The following ACCS variants were observed in gnomAD, a reference collection of about 807,000 sequenced individuals.
ACCS encodes 1-aminocyclopropane-1-carboxylate synthase homolog (inactive).
ACCS carries 42 observed loss-of-function variants against 59.8 expected under a neutral mutation model. The ratio of observed to expected loss-of-function variants is 0.70; its 90% CI spans 0.55 to 0.91. The LOEUF is 0.91. Among genes scored for constraint, ACCS ranks in the 40% least tolerant of loss-of-function variants. The pLI is 0.00. For synonymous variants in ACCS, 230 were observed against 240.3 expected (o/e 0.96, Z 0.40); for missense variants, 602 against 630.4 (o/e 0.95, Z 0.48).
In ACCS at chr11:44,075,528, G is replaced by A. The variant is rs1267152623; in HGVS notation, c.492G>A (p.Val164=). 1 of 1,614,062 alleles carries A rather than the reference G, an allele frequency of 6.2e-7. No individual in the cohort carries two copies. The highest frequency in any genetic ancestry group is 1.3e-5 in the African/African-American group (1 of 74,944). Residue 164 remains valine (V), a splice_region_variant and synonymous_variant, in exon 6 of 15, where the codon GTG becomes GTA. Transcript: ENST00000263776. ...KSPVPLRPEN[V]VVLNGGASLF... Reference sequence around the variant, plus strand: ...TCCCTTGGATATGTCGCCCTTAGGTGGTTGTCCTGAATGGTGGTGCCTCGC... The same window carrying A: ...TCCCTTGGATATGTCGCCCTTAGGTAGTTGTCCTGAATGGTGGTGCCTCGC...
intron 6 of ACCS, 128 bp downstream of exon 6, chr11:44,075,720 G>A (rs1212687134): frequency 5.3e-6 from 6 of 1,137,592 alleles, no homozygotes; most frequent in Non-Finnish European, 7.3e-6. Flanking sequence ...ACTGCAGGGG[G>A]CTTGAATAAG....
chr11:44,067,262 C>T (rs77761746), intron 1 of ACCS: 2,961 of 201,758 alleles, frequency 0.015, 91 homozygotes, highest in African/African-American at 0.066. Context: ...TCTGCTTTAA[C>T]TCAGGAAATT....
intron 8 of ACCS, 184 bp downstream of exon 8, chr11:44,078,106 T>TC (rs1314488347): frequency 4.1e-6 from 3 of 739,474 alleles, no homozygotes. Context: ...GGGAGGGTCT[T>TC]CCCTTTCAAA....
intron 3 of ACCS, chr11:44,072,241 C>G (rs947396645): frequency 3.3e-5 from 5 of 151,768 alleles, no homozygotes; most frequent in Admixed American, 6.6e-5. Flanking sequence ...CACTACAACC[C>G]CCTCCTCCCG....
At chr11:44,083,669 A>G (rs1953743207) in intron 14 of ACCS, 26 bp from the exon 15 acceptor site, 2 of 1,614,066 alleles carry the variant, frequency 1.2e-6, no homozygotes, top group East Asian at 2.2e-5. Flanking sequence ...ATCAGTGCCA[A>G]CTGGCCCCTC....
Position 44,067,865 on chromosome 11 carries a change from G to C in ACCS, c.238G>C (p.Gly80Arg). Reference sequence around the variant, plus strand: ...ATGGTTCTGGGATTCAGCTGAGGAGGGCTACAGGACCTACCACATGGATGA... The same window carrying C: ...ATGGTTCTGGGATTCAGCTGAGGAGCGCTACAGGACCTACCACATGGATGA... Reference protein sequence around the residue: ...IKWFWDSAEEGYRTYHMDEYD... With the variant: ...IKWFWDSAEERYRTYHMDEYD... The change falls in exon 2 of 15, where the codon GGC becomes CGC. Residue 80 changes from glycine (G) to arginine (R), a missense_variant. Gly to Arg is a moderately radical substitution (Grantham distance 125). Transcript: ENST00000263776. The C allele has an allele frequency of 6.2e-7, 1 of 1,613,692 alleles. No individual in the cohort carries two copies. Among genetic ancestry groups the C allele is most frequent in the African/African-American group, 1.3e-5 (1 of 75,018 alleles).
intron 6 of ACCS, chr11:44,075,912 CT>C: frequency 3.9e-6 from 1 of 257,650 alleles, no homozygotes; most frequent in Non-Finnish European, 7.4e-6. Context: ...GTGCCTGTCT[CT>C]TTTTTATCAG....
chr11:44,081,323 G>A lies in ACCS; in HGVS notation c.1111+3G>A, dbSNP rs574940985. ...GGCACAGCTGCTCCGGGACCGTGGT[G>A]ACTGCCTGGGCCTGGTGACCTGAAA... On this transcript the variant is annotated splice_donor_region_variant and intron_variant, in intron 12 of 14. Transcript: ENST00000263776. The A allele has an allele frequency of 3.7e-6, 6 of 1,613,494 alleles. No individual in the cohort carries two copies. Among genetic ancestry groups the A allele is most frequent in the Non-Finnish European group, 5.1e-6 (6 of 1,179,596 alleles).
At chr11:44,073,195 A>T (rs1953144113) in intron 3 of ACCS, 3 of 537,322 alleles carry the variant, frequency 5.6e-6, no homozygotes, top group Non-Finnish European at 1.0e-5. Flanking sequence ...AGAATGCCAG[A>T]CTAGGAGTCA....
intron 7 of ACCS, 34 bp downstream of exon 7, chr11:44,077,410 C>A (rs776398054): frequency 6.1e-5 from 99 of 1,612,132 alleles, no homozygotes; most frequent in Non-Finnish European, 7.6e-5. Context: ...GGAACCTGGG[C>A]CTGCCTGTGG....
chr11:44,077,297 C>A lies in ACCS; in HGVS notation c.575C>A (p.Thr192Asn), dbSNP rs769199350. 9.9e-6 allele frequency: 16 copies of A among 1,614,132 alleles called. No individual in the cohort carries two copies. In the South Asian group the frequency reaches 1.2e-4, roughly 12 times the overall value. The change falls in exon 7 of 15, where the codon ACC becomes AAC. Residue 192 changes from threonine to asparagine, a missense_variant. Thr to Asn is a moderately conservative substitution (Grantham distance 65). Coordinates refer to ENST00000263776, the MANE Select transcript of ACCS (RefSeq NM_032592.4). ...CEAGEAFLIP[T>N]PYYGAITQHV... Reference sequence around the variant, plus strand: ...CCCCCAGAGGCTTTCCTGATCCCCACCCCTTACTATGGCGCTATCACACAG... The same window carrying A: ...CCCCCAGAGGCTTTCCTGATCCCCAACCCTTACTATGGCGCTATCACACAG...
chr11:44,073,499 A>C lies in ACCS; in HGVS notation c.401A>C (p.Asp134Ala). Reference protein sequence around the residue: ...RVEPSLLQYADWRGHLFLREE... With the variant: ...RVEPSLLQYAAWRGHLFLREE... ...GAGCCATCCCTGCTGCAGTATGCTG[A>C]CTGGAGGGGACATCTGTTGTAAGTA... Residue 134 changes from aspartate (D) to alanine (A), a missense_variant, in exon 4 of 15, where the codon GAC becomes GCC. Transcript: ENST00000263776. The C allele has an allele frequency of 6.2e-7, 1 of 1,608,690 alleles. No homozygotes were observed. Among genetic ancestry groups the C allele is most frequent in the Non-Finnish European group, 8.5e-7 (1 of 1,177,624 alleles).
At position 44,077,841 on chromosome 11, in the gene ACCS, C is replaced by G. The variant is rs1953451221; in HGVS notation, c.655-4C>G. ...GCTGGTGGCTCTGATGGGTCTTTTT[C>G]CAGGTCACTGGGCTAGACACACGCC... On this transcript the variant is annotated splice_polypyrimidine_tract_variant and splice_region_variant and intron_variant, in intron 7 of 14. Coordinates refer to ENST00000263776, the MANE Select transcript of ACCS (RefSeq NM_032592.4). 6.2e-7 allele frequency: 1 copy of G among 1,612,550 alleles called. No homozygotes were observed. The highest frequency in any genetic ancestry group is 8.5e-7 in the Non-Finnish European group (1 of 1,179,426).
At position 44,083,869 on chromosome 11, in the gene ACCS, C is replaced by CTGCAAA; in HGVS notation, c.*79_*80insCAAATG. 4 of 1,540,670 alleles carry CTGCAAA rather than the reference C, an allele frequency of 2.6e-6. No individual in the cohort carries two copies. Among genetic ancestry groups the CTGCAAA allele is most frequent in the Non-Finnish European group, 3.5e-6 (4 of 1,141,752 alleles). ...GCGTTCTGGGGCTGCAGAAGACTGACTGTGGATGTGCCATTTGCCAGGAAG... is the reference window on the plus strand; with the variant it reads ...GCGTTCTGGGGCTGCAGAAGACTGACTGCAAATGTGGATGTGCCATTTGCCAGGAAG... On this transcript the variant is annotated 3_prime_UTR_variant, in exon 15 of 15. Transcript: ENST00000263776.
chr11:44,073,895 G>C lies in ACCS; in HGVS notation c.419+378G>C, dbSNP rs546797571. On this transcript the variant is annotated intron_variant, in intron 4 of 14. Transcript: ENST00000263776. Reference sequence around the variant, plus strand: ...TAGCTTTAGAGAAGCCAGAATTGCTGTTCGGGGAGCTGGCTGGGGCCTTTT... The same window carrying C: ...TAGCTTTAGAGAAGCCAGAATTGCTCTTCGGGGAGCTGGCTGGGGCCTTTT... Among the ~76,000 whole-genome samples, 99 of 152,340 alleles carry C rather than the reference G, an allele frequency of 6.5e-4. 1 individual carries two copies. The highest frequency in any genetic ancestry group is 1.9e-3 in the African/African-American group (78 of 41,572).
intron 10 of ACCS, among the ~76,000 whole-genome samples, chr11:44,080,154 G>A (rs1224454153): frequency 6.6e-6 from 1 of 152,250 alleles, no homozygotes; most frequent in Non-Finnish European, 1.5e-5. Flanking sequence ...GGAGGCCAAG[G>A]TGGGAGGATT....
rs201940500 is a variant in ACCS at position 44,077,260 on chromosome 11, C to T, written c.557-19C>T. ...TTCTGGCCAGAAAGTGACAGGCCCTCGCCCACTCCTGCCCCCAGAGGCTTT... is the reference window on the plus strand; with the variant it reads ...TTCTGGCCAGAAAGTGACAGGCCCTTGCCCACTCCTGCCCCCAGAGGCTTT... On this transcript the variant is annotated intron_variant, in intron 6 of 14. Transcript: ENST00000263776. The T allele has an allele frequency of 6.5e-5, 105 of 1,609,862 alleles. No homozygotes were observed. In the Admixed American group the frequency reaches 6.7e-4, roughly 10 times the overall value.
chr11:44,071,189 G>A, intron 2 of ACCS, 67 bp from the exon 3 acceptor site: 2 of 1,559,728 alleles, frequency 1.3e-6, no homozygotes, highest in Admixed American at 3.3e-5. Context: ...GCCTCCATGG[G>A]CTCCTGGGGC....
rs748128329 is a variant in ACCS at position 44,083,478 on chromosome 11, G to A, written c.1309G>A (p.Asp437Asn). 6.2e-7 allele frequency: 1 copy of A among 1,614,194 alleles called. No homozygotes were observed. The highest frequency in any genetic ancestry group is 8.5e-7 in the Non-Finnish European group (1 of 1,180,020). Reference protein sequence around the residue: ...EEMLLWRRFLDNKVLLSFGKA... With the variant: ...EEMLLWRRFLNNKVLLSFGKA... ...AATGCTGCTCTGGCGCCGCTTTTTG[G>A]ACAACAAGGTGCTGCTGTCCTTTGG... Residue 437 changes from aspartate (D) to asparagine (N), a missense_variant, in exon 14 of 15, where the codon GAC becomes AAC. By Grantham distance (23) the Asp-to-Asn change is conservative. Coordinates refer to ENST00000263776, the MANE Select transcript of ACCS (RefSeq NM_032592.4).
Sources: allele counts gnomAD v4.1 joint callset (sites outside exome capture counted in the v4.1 genomes callset), GRCh38; gene constraint gnomAD v4.1.1; transcripts MANE v1.5; gene names NCBI Gene and HGNC (gene_info 2026-07-23, HGNC 2026-07-21).